TOX2: variants seen among roughly 807,000 people sequenced by gnomAD.
TOX2 encodes the protein TOX high mobility group box family member 2.
In TOX2, 15 loss-of-function variants were observed where a neutral mutation model predicts 47.4. The observed-to-expected ratio is 0.32, with a 90% CI of 0.21 to 0.49. The LOEUF (loss-of-function observed/expected upper bound fraction) is 0.49. Among genes scored for constraint, TOX2 ranks in the 20% least tolerant of loss-of-function variants. The pLI, the probability that TOX2 is intolerant of heterozygous loss-of-function variation, is 0.99. For synonymous variants in TOX2, 290 were observed against 296.6 expected (o/e 0.98, Z 0.23); for missense variants, 622 against 673.1 (o/e 0.92, Z 0.84).
rs535320557 is a variant in TOX2 at position 44,068,981 on chromosome 20, A to G, written c.*295A>G. The G allele has an allele frequency of 9.1e-5, 49 of 538,836 alleles. No individual in the cohort carries two copies. The African/African-American group carries it at 9.2e-4, about 10-fold the overall frequency. The allele number at this position is 538,836 out of a possible 1,614,324, so 33.4% of individuals were successfully genotyped here. A position where few individuals can be genotyped will look rare whatever the true frequency, so the allele number is the denominator to read the frequency against. ...CCTGCGCACGGTACCCTATGTCTGG[A>G]CACCCGGCCCCAGCTCCAGCCCCAG... On this transcript the variant is annotated 3_prime_UTR_variant, in exon 9 of 9. Transcript: ENST00000341197.
chr20:43,958,302 G>T lies in TOX2; in HGVS notation c.100-15065G>T, dbSNP rs575754539. 9.2e-5 allele frequency among the ~76,000 whole-genome samples: 14 copies of T among 152,214 alleles called. No individual in the cohort carries two copies. In the South Asian group the frequency reaches 2.7e-3, roughly 29 times the overall value. ...CCATTACTCTTTCTTTAAGAATATT[G>T]CTTTAAACACGCACCTGTTTTCTTT... On this transcript the variant is annotated intron_variant, in intron 1 of 8. Transcript: ENST00000341197.
At chr20:43,917,946 C>T (rs1309722204) in intron 1 of TOX2, among the ~76,000 whole-genome samples, 1 of 152,154 alleles carries the variant, frequency 6.6e-6, no homozygotes, top group Non-Finnish European at 1.5e-5. Context: ...CCATTGGTCT[C>T]CTCCTTCTTT....
At chr20:44,036,964 T>C (rs961601771) in intron 3 of TOX2, among the ~76,000 whole-genome samples, 1 of 152,172 alleles carries the variant, frequency 6.6e-6, no homozygotes, top group Non-Finnish European at 1.5e-5. Flanking sequence ...ACCTCTTCTT[T>C]TCTTTTTTGA....
intron 1 of TOX2, among the ~76,000 whole-genome samples, chr20:43,921,345 T>C (rs2069110873): frequency 6.6e-6 from 1 of 152,214 alleles, no homozygotes; most frequent in African/African-American, 2.4e-5. Flanking sequence ...GGTCTCAGGA[T>C]ATGAAGGCAT....
Position 43,921,844 on chromosome 20 carries a change from A to G in TOX2, c.99+6854A>G, listed in dbSNP as rs890941677. 5.3e-5 allele frequency among the ~76,000 whole-genome samples: 8 copies of G among 152,260 alleles called. No individual in the cohort carries two copies. The East Asian group carries it at 7.7e-4, about 15-fold the overall frequency. On this transcript the variant is annotated intron_variant, in intron 1 of 8. Transcript: ENST00000341197. The stretch of plus-strand genomic sequence containing the variant: ...TGGCCCTGGGCTGCTGGCAGTCCCA[A>G]CGCTGGATGCTTCCATGTCTTGATC...
At chr20:44,066,678 T>C in intron 7 of TOX2, 52 bp from the exon 8 acceptor site, 3 of 1,613,198 alleles carry the variant, frequency 1.9e-6, no homozygotes, top group Non-Finnish European at 2.5e-6. Flanking sequence ...CCTGGGACAG[T>C]CTGCCCCCTC....
At chr20:44,057,948 C>A (rs2071650874) in intron 5 of TOX2, among the ~76,000 whole-genome samples, 2 of 145,572 alleles carry the variant, frequency 1.4e-5, no homozygotes, top group Non-Finnish European at 2.9e-5. Flanking sequence ...TGCTTATTCA[C>A]ATAGCAAGTC....
At position 43,919,316 on chromosome 20, in the gene TOX2, T is replaced by C. The variant is rs528687892; in HGVS notation, c.99+4326T>C. On this transcript the variant is annotated intron_variant, in intron 1 of 8. Coordinates refer to ENST00000341197, the MANE Select transcript of TOX2 (RefSeq NM_001098797.2). ...TTATCAGTGTGGGAAGTCATAAATA[T>C]ATGGGTGAAATATATGGTATCATGA... is the stretch of plus-strand genomic sequence containing the variant. 2.0e-5 allele frequency among the ~76,000 whole-genome samples: 3 copies of C among 152,274 alleles called. No individual in the cohort carries two copies. The South Asian group carries it at 6.2e-4, about 32-fold the overall frequency.
In TOX2 at chr20:44,064,763, G is replaced by A. The variant is rs772885632; in HGVS notation, c.880-14G>A. The A allele has an allele frequency of 3.2e-5, 51 of 1,613,632 alleles. No individual in the cohort carries two copies. The highest frequency in any genetic ancestry group is 4.2e-5 in the Non-Finnish European group (50 of 1,179,722). ...ACTTTCTCCCCAGTGTTGCTCATGT[G>A]TTGACTCTTCCAGGCCTACAAGAGG... On this transcript the variant is annotated splice_polypyrimidine_tract_variant and intron_variant, in intron 5 of 8. Coordinates refer to ENST00000341197, the MANE Select transcript of TOX2 (RefSeq NM_001098797.2).
chr20:43,973,368 T>C lies in TOX2; in HGVS notation c.101T>C (p.Phe34Ser), dbSNP rs201938708. 1,185 of 1,613,986 alleles carry C rather than the reference T, an allele frequency of 7.3e-4. 1 individual carries two copies. Among genetic ancestry groups the C allele is most frequent in the Non-Finnish European group, 9.7e-4 (1,144 of 1,179,992 alleles). Residue 34 changes from phenylalanine to serine, a missense_variant and splice_region_variant, in exon 2 of 9, where the codon TTT becomes TCT. Phe to Ser is a radical substitution (Grantham distance 155). Coordinates refer to ENST00000341197, the MANE Select transcript of TOX2 (RefSeq NM_001098797.2). ...CTTCTCCCTCTCTCTCTATTCTAGT[T>C]TGATGGTGACAGTGCCTACGTGGGG... ...AHLDYYHGGK[F>S]DGDSAYVGMS...
At chr20:43,946,022 G>C in intron 1 of TOX2, 1 of 1,614,068 alleles carries the variant, frequency 6.2e-7, no homozygotes, top group Non-Finnish European at 8.5e-7. Context: ...TGCATTGCAG[G>C]TGTGTTTCCG....
chr20:44,054,159 A>G, intron 4 of TOX2, 140 bp from the exon 5 acceptor site: 1 of 813,466 alleles, frequency 1.2e-6, no homozygotes, highest in Non-Finnish European at 2.0e-6. Context: ...CTGTCTGTCC[A>G]TTGCCCCCTC....
At chr20:43,923,110 A>T (rs2069128636) in intron 1 of TOX2, among the ~76,000 whole-genome samples, 1 of 152,020 alleles carries the variant, frequency 6.6e-6, no homozygotes, top group Non-Finnish European at 1.5e-5. Context: ...CAGCCATTGT[A>T]GGGGTGCTTT....
At chr20:44,052,614 C>T (rs1201024672) in intron 4 of TOX2, among the ~76,000 whole-genome samples, 1 of 152,208 alleles carries the variant, frequency 6.6e-6, no homozygotes, top group Non-Finnish European at 1.5e-5. Context: ...CAAACACTCT[C>T]TATGGGCCAG....
intron 3 of TOX2, among the ~76,000 whole-genome samples, chr20:44,049,400 C>T (rs2071469635): frequency 6.6e-6 from 1 of 152,126 alleles, no homozygotes; most frequent in South Asian, 2.1e-4. Context: ...ATAGTACAGA[C>T]CCCATACTTT....
chr20:44,050,299 CAG>C (rs1312255292), intron 3 of TOX2, among the ~76,000 whole-genome samples: 8 of 152,158 alleles, frequency 5.3e-5, no homozygotes, highest in Admixed American at 2.6e-4. Context: ...AATTAGAAAA[CAG>C]AGAAGCAGAA....
chr20:44,016,266 C>T (rs1445683016), intron 3 of TOX2, among the ~76,000 whole-genome samples: 1 of 151,934 alleles, frequency 6.6e-6, no homozygotes, highest in Admixed American at 6.6e-5. Context: ...CTTAGAGAGG[C>T]CAAGGGATCA....
chr20:43,919,792 T>C (rs764271312), intron 1 of TOX2, among the ~76,000 whole-genome samples: 1 of 152,220 alleles, frequency 6.6e-6, no homozygotes. Context: ...TCTGTTCCTA[T>C]GTTAATTTGC....
intron 1 of TOX2, among the ~76,000 whole-genome samples, chr20:43,962,283 C>G (rs2069775157): frequency 6.6e-6 from 1 of 152,202 alleles, no homozygotes; most frequent in Non-Finnish European, 1.5e-5. Context: ...CTCTGGGCAG[C>G]TGCAGCTGGT....
Sources: allele counts gnomAD v4.1 joint callset (sites outside exome capture counted in the v4.1 genomes callset), GRCh38; gene constraint gnomAD v4.1.1; transcripts MANE v1.5; gene names NCBI Gene and HGNC (gene_info 2026-07-23, HGNC 2026-07-21).